Variants in ARID4B observed in about 807,000 individuals in gnomAD.
ARID4B encodes the protein AT-rich interaction domain 4B.
A neutral mutation model predicts 147.5 loss-of-function variants in ARID4B; 26 were observed. That is an observed-to-expected ratio of 0.18 (90% CI 0.13 to 0.24). ARID4B has a LOEUF of 0.24. Ranked by LOEUF, ARID4B falls within the 10% of genes least tolerant of loss-of-function variation. The pLI, the probability that ARID4B is intolerant of heterozygous loss-of-function variation, is 1.00. For missense variants in ARID4B, 1,179 were observed against 1,511.5 expected, an observed-to-expected ratio of 0.78 and a Z score of 3.65; for synonymous variants, 512 against 507.9, an observed-to-expected ratio of 1.01 and a Z score of -0.11.
At chr1:235,290,964 T>C (rs887567970) in intron 2 of ARID4B, among the ~76,000 whole-genome samples, 6 of 152,170 alleles carry the variant, frequency 3.9e-5, no homozygotes, top group African/African-American at 9.7e-5. Context: ...CTGGGCATGG[T>C]AGCACACACC....
At chr1:235,199,731 G>A (rs991973898) in intron 17 of ARID4B, among the ~76,000 whole-genome samples, 3 of 152,094 alleles carry the variant, frequency 2.0e-5, no homozygotes, top group Admixed American at 6.5e-5. Context: ...AAGCTTTTTC[G>A]AATTACAAAT....
At chr1:235,210,539 A>C (rs1388321071) in intron 17 of ARID4B, among the ~76,000 whole-genome samples, 2 of 148,346 alleles carry the variant, frequency 1.3e-5, no homozygotes, top group Admixed American at 1.3e-4. Context: ...ATTTATCAAT[A>C]AGACAGACTG....
Position 235,321,850 on chromosome 1 carries a change from A to G in ARID4B, c.6+5064T>C, listed in dbSNP as rs139865742. Reference sequence around the variant, plus strand: ...ATCTATCCTCTCTGCTCCACTTCCAATGCATTAGTTCAGGCCCTTATTCAT... The same window carrying G: ...ATCTATCCTCTCTGCTCCACTTCCAGTGCATTAGTTCAGGCCCTTATTCAT... On this transcript the variant is annotated intron_variant, in intron 2 of 23. Coordinates refer to ENST00000264183, the MANE Select transcript of ARID4B (RefSeq NM_016374.6). 1.8e-4 allele frequency among the ~76,000 whole-genome samples: 28 copies of G among 151,724 alleles called. 1 individual carries two copies. The Middle Eastern group carries it at 0.017, about 92-fold the overall frequency.
At chr1:235,216,629 C>T (rs962546060) in intron 16 of ARID4B, among the ~76,000 whole-genome samples, 1 of 152,002 alleles carries the variant, frequency 6.6e-6, no homozygotes, top group Admixed American at 6.6e-5. Context: ...AGGCATGAGC[C>T]ACCGCACCCA....
At chr1:235,273,890 T>A (rs1196324815) in intron 2 of ARID4B, among the ~76,000 whole-genome samples, 1 of 152,198 alleles carries the variant, frequency 6.6e-6, no homozygotes, top group Non-Finnish European at 1.5e-5. Context: ...GCTGGAGAGA[T>A]CAATGTTGCC....
intron 2 of ARID4B, among the ~76,000 whole-genome samples, chr1:235,325,313 ACT>A (rs1675144819): frequency 6.6e-6 from 1 of 152,064 alleles, no homozygotes; most frequent in Admixed American, 6.6e-5. Context: ...TTACCAAGAA[ACT>A]TTTAAGGCTA....
chr1:235,309,273 G>A (rs1358126857), intron 2 of ARID4B, among the ~76,000 whole-genome samples: 2 of 86,270 alleles, frequency 2.3e-5, no homozygotes, highest in African/African-American at 4.4e-5. Flanking sequence ...GAGCCCCTCC[G>A]CCCGGCAGCC....
intron 2 of ARID4B, among the ~76,000 whole-genome samples, chr1:235,278,469 T>A (rs116222448): frequency 0.011 from 1,642 of 152,182 alleles, 17 homozygotes; most frequent in Non-Finnish European, 0.016. Context: ...TAAAATAGTC[T>A]AGCATTTCCC....
At chr1:235,240,095 T>C (rs1335444430) in intron 8 of ARID4B, among the ~76,000 whole-genome samples, 2 of 152,130 alleles carry the variant, frequency 1.3e-5, no homozygotes, top group South Asian at 2.1e-4. Context: ...AACTTCCACA[T>C]AGCTAAACCT....
chr1:235,176,243 G>A (rs915811938), intron 21 of ARID4B, among the ~76,000 whole-genome samples: 2 of 151,790 alleles, frequency 1.3e-5, no homozygotes, highest in Non-Finnish European at 2.9e-5. Flanking sequence ...CTATATCTCT[G>A]TATTATATGA....
rs768704503 is a variant in ARID4B at position 235,182,312 on chromosome 1, T to C, written c.2607A>G (p.Thr869=). ...TCTTAGTTGGTGTCATCTTTGCTTT[T>C]GTTTCTTCTTCATCTTCATCTGAAG... ...NSSSDEDEEE[T]KAKMTPTKKY... Residue 869 remains threonine, a synonymous_variant, in exon 20 of 24, where the codon ACA becomes ACG. Coordinates refer to ENST00000264183, the MANE Select transcript of ARID4B (RefSeq NM_016374.6). 4 of 1,614,026 alleles carry C rather than the reference T, an allele frequency of 2.5e-6. No homozygotes were observed. The highest frequency in any genetic ancestry group is 3.4e-6 in the Non-Finnish European group (4 of 1,180,008).
intron 2 of ARID4B, among the ~76,000 whole-genome samples, chr1:235,274,694 T>C (rs1189536967): frequency 6.6e-6 from 1 of 152,120 alleles, no homozygotes; most frequent in African/African-American, 2.4e-5. Flanking sequence ...TGATATACAC[T>C]CACATAGAGG....
intron 19 of ARID4B, among the ~76,000 whole-genome samples, chr1:235,186,391 A>G (rs1664684301): frequency 6.6e-6 from 1 of 151,672 alleles, no homozygotes; most frequent in African/African-American, 2.4e-5. Flanking sequence ...AAAATTCTTA[A>G]TGCTCTACTG....
intron 7 of ARID4B, among the ~76,000 whole-genome samples, chr1:235,243,279 A>C (rs976181075): frequency 1.3e-4 from 20 of 152,158 alleles, no homozygotes; most frequent in African/African-American, 4.6e-4. Context: ...AAGCTCCTTA[A>C]CTTTTCCTTT....
At chr1:235,313,119 C>A (rs568225655) in intron 2 of ARID4B, among the ~76,000 whole-genome samples, 12 of 152,168 alleles carry the variant, frequency 7.9e-5, no homozygotes, top group Admixed American at 4.6e-4. Flanking sequence ...TCTCAGCTTA[C>A]TGCAATTTCC....
intron 7 of ARID4B, among the ~76,000 whole-genome samples, chr1:235,245,428 T>C (rs1424046644): frequency 2.0e-5 from 3 of 152,136 alleles, no homozygotes; most frequent in African/African-American, 7.2e-5. Flanking sequence ...TTTAAATTTA[T>C]TTTTACACTT....
At chr1:235,266,467 C>T (rs976667102) in intron 2 of ARID4B, among the ~76,000 whole-genome samples, 1 of 152,178 alleles carries the variant, frequency 6.6e-6, no homozygotes, top group Non-Finnish European at 1.5e-5. Context: ...ATTACCATCC[C>T]TTTGTTGAGC....
intron 2 of ARID4B, among the ~76,000 whole-genome samples, chr1:235,275,980 T>C (rs1315431626): frequency 6.6e-6 from 1 of 151,812 alleles, no homozygotes; most frequent in East Asian, 1.9e-4. Context: ...CTACAAAATA[T>C]CAAAAACTTA....
intron 17 of ARID4B, among the ~76,000 whole-genome samples, chr1:235,197,782 G>GT (rs1558191563): frequency 6.6e-6 from 1 of 152,160 alleles, no homozygotes; most frequent in Non-Finnish European, 1.5e-5. Context: ...CAAATATATG[G>GT]TAAGTACTTT....
Sources: allele counts gnomAD v4.1 joint callset (sites outside exome capture counted in the v4.1 genomes callset), GRCh38; gene constraint gnomAD v4.1.1; transcripts MANE v1.5; gene names NCBI Gene and HGNC (gene_info 2026-07-23, HGNC 2026-07-21).